UPP2: variants seen among roughly 807,000 people sequenced by gnomAD.
The protein encoded by UPP2 is UPase 2.
UPP2 carries 23 observed loss-of-function variants against 26.7 expected under a neutral mutation model. The observed-to-expected ratio is 0.86, with a 90% confidence interval of 0.62 to 1.22. The LOEUF (loss-of-function observed/expected upper bound fraction) is 1.22. Among genes scored for constraint, UPP2 ranks in the 50% most tolerant of loss-of-function variants. UPP2 has a pLI of 0.00. For missense variants in UPP2, 387 were observed against 396.7 expected (o/e 0.98, Z 0.21); for synonymous variants, 127 against 141.3 (o/e 0.90, Z 0.72).
At position 157,995,364 on chromosome 2, in the gene UPP2, C is replaced by T. The variant is rs545940198; in HGVS notation, c.61+105C>T. The T allele has an allele frequency of 1.1e-5, 14 of 1,268,324 alleles. No individual in the cohort carries two copies. In the East Asian group the frequency reaches 2.7e-4, roughly 24 times the overall value. 78.6% of individuals were successfully genotyped at this position (1,268,324 alleles called of 1,614,324 possible). A position where few individuals can be genotyped will look rare whatever the true frequency, so the allele number is the denominator to read the frequency against. Reference sequence around the variant, plus strand: ...TTTTGAATTATGTGGTTGATGTTTTCCACATTTCAGCTTCCATCAACTGGC... The same window carrying T: ...TTTTGAATTATGTGGTTGATGTTTTTCACATTTCAGCTTCCATCAACTGGC... On this transcript the variant is annotated intron_variant, in intron 2 of 9. Coordinates refer to the UPP2 transcript ENST00000605860.
chr2:158,006,418 A>G (rs1226271789), intron 2 of UPP2, among the ~76,000 whole-genome samples: 1 of 149,734 alleles, frequency 6.7e-6, no homozygotes, highest in Non-Finnish European at 1.5e-5. Context: ...CGGCTCTTGC[A>G]ATGAGCCGAG....
chr2:158,011,489 A>C (rs1468035093), intron 2 of UPP2, among the ~76,000 whole-genome samples: 2 of 152,104 alleles, frequency 1.3e-5, no homozygotes, highest in African/African-American at 4.8e-5. Flanking sequence ...AAAAAAAGCT[A>C]GGGAAGAAGT....
chr2:158,079,318 C>G (rs1682682062), intron 3 of UPP2, among the ~76,000 whole-genome samples: 1 of 151,988 alleles, frequency 6.6e-6, no homozygotes, highest in Non-Finnish European at 1.5e-5. Context: ...AAAAAGCCTA[C>G]TTGTATATGT....
intron 3 of UPP2, among the ~76,000 whole-genome samples, chr2:158,073,231 C>T (rs932162245): frequency 6.6e-6 from 1 of 151,750 alleles, no homozygotes; most frequent in African/African-American, 2.4e-5. Context: ...TATAATTAAT[C>T]AAGCAGAAGA....
At chr2:158,128,089 C>T in intron 6 of UPP2, 1 of 879,830 alleles carries the variant, frequency 1.1e-6, no homozygotes, top group Non-Finnish European at 1.4e-6. Context: ...CCTTTTGACA[C>T]AGGCTTGCCT....
At chr2:158,000,444 A>C (rs888032119) in intron 2 of UPP2, among the ~76,000 whole-genome samples, 1 of 152,228 alleles carries the variant, frequency 6.6e-6, no homozygotes, top group Non-Finnish European at 1.5e-5. Context: ...AACTCACTCA[A>C]GAGACTGGCT....
At position 158,115,187 on chromosome 2, in the gene UPP2, A is replaced by C. The variant is rs1574301361; in HGVS notation, c.267A>C (p.Glu89Asp). The C allele has an allele frequency of 6.2e-7, 1 of 1,613,890 alleles. No homozygotes were observed. The highest frequency in any genetic ancestry group is 1.1e-5 in the South Asian group (1 of 91,058). Residue 89 changes from glutamate (E) to aspartate (D), a missense_variant, in exon 3 of 7, where the codon GAA (glutamate) becomes GAC (aspartate). By Grantham distance (45) the Glu-to-Asp change is conservative (BLOSUM62 2). Coordinates refer to ENST00000005756, the MANE Select transcript of UPP2 (RefSeq NM_173355.4). ...AGCTCGGGTTTGAGGAAGCTGAAGA[A>C]GACATAAAAGACATCTGTGCTGGGA... Reference protein sequence around the residue: ...HKELGFEEAEEDIKDICAGTD... With the variant: ...HKELGFEEAEDDIKDICAGTD...
chr2:158,109,644 T>C (rs1683270055), intron 2 of UPP2, among the ~76,000 whole-genome samples: 1 of 152,162 alleles, frequency 6.6e-6, no homozygotes, highest in African/African-American at 2.4e-5. Flanking sequence ...CAAATTCTAG[T>C]CACTGGAACC....
At position 158,087,010 on chromosome 2, in the gene UPP2, T is replaced by C. The variant is rs539788942; in HGVS notation, c.148-15030T>C. Among the ~76,000 whole-genome samples the C allele has an allele frequency of 3.3e-5, 5 of 152,040 alleles. No homozygotes were observed. The East Asian group carries it at 9.6e-4, about 29-fold the overall frequency. On this transcript the variant is annotated intron_variant, in intron 3 of 9. Transcript: ENST00000605860. Reference sequence around the variant, plus strand: ...TCTGTAAATATCTGTTAAGTCCCTTTGTTCTAAATTATAGTTTAAATCCAT... The same window carrying C: ...TCTGTAAATATCTGTTAAGTCCCTTCGTTCTAAATTATAGTTTAAATCCAT...
chr2:158,079,781 G>T (rs187802115), intron 3 of UPP2, among the ~76,000 whole-genome samples: 1 of 152,154 alleles, frequency 6.6e-6, no homozygotes, highest in Non-Finnish European at 1.5e-5. Context: ...GAGTGAGTCA[G>T]AATTGAGAGA....
chr2:158,081,353 AT>A (rs1210578188), intron 3 of UPP2, among the ~76,000 whole-genome samples: 1 of 152,130 alleles, frequency 6.6e-6, no homozygotes, highest in Non-Finnish European at 1.5e-5. Context: ...CAGTTAAAAC[AT>A]TTTTTTCTAT....
intron 3 of UPP2, among the ~76,000 whole-genome samples, chr2:158,036,873 C>T (rs1032280576): frequency 3.9e-5 from 6 of 152,100 alleles, no homozygotes; most frequent in Non-Finnish European, 7.3e-5. Context: ...CTGAAGGGTA[C>T]CAGACACACA....
chr2:158,058,940 A>T (rs975050800), intron 3 of UPP2, among the ~76,000 whole-genome samples: 1 of 152,160 alleles, frequency 6.6e-6, no homozygotes, highest in African/African-American at 2.4e-5. Context: ...TCAAGCAAAG[A>T]TTTCCTGGTT....
chr2:158,021,933 A>T (rs1019377963), intron 3 of UPP2, among the ~76,000 whole-genome samples: 1 of 152,206 alleles, frequency 6.6e-6, no homozygotes, highest in Non-Finnish European at 1.5e-5. Flanking sequence ...AAGTAATTAG[A>T]AAATATATAG....
chr2:158,075,986 AG>A (rs1321234240), intron 3 of UPP2, among the ~76,000 whole-genome samples: 1 of 152,026 alleles, frequency 6.6e-6, no homozygotes, highest in Non-Finnish European at 1.5e-5. Flanking sequence ...GATATGAAAA[AG>A]GAGACATTAC....
intron 1 of UPP2, 114 bp downstream of exon 1, chr2:158,102,239 GATTAT>G: frequency 1.8e-6 from 2 of 1,096,280 alleles, no homozygotes; most frequent in South Asian, 3.9e-5. Context: ...TAAATGTAGA[GATTAT>G]ATCACTGGAT....
intron 3 of UPP2, among the ~76,000 whole-genome samples, chr2:158,028,138 T>G (rs1246101252): frequency 1.3e-5 from 2 of 152,248 alleles, no homozygotes; most frequent in African/African-American, 4.8e-5. Flanking sequence ...TTTCTGCAGC[T>G]TGCTTGAATA....
chr2:158,066,020 G>A, intron 3 of UPP2: 1 of 338,076 alleles, frequency 3.0e-6, no homozygotes, highest in Non-Finnish European at 5.5e-6. Flanking sequence ...AGATGTGGCT[G>A]CACTTCAAAG....
chr2:158,055,613 C>A lies in UPP2; in HGVS notation c.147+39727C>A, dbSNP rs187523834. On this transcript the variant is annotated intron_variant, in intron 3 of 9. Transcript: ENST00000605860. ...TAACATGATGAACTTCTCTTTTATACAATTTTTGAAAGTTGTGATATTTAA... is the reference window on the plus strand; with the variant it reads ...TAACATGATGAACTTCTCTTTTATAAAATTTTTGAAAGTTGTGATATTTAA... 1.1e-4 allele frequency among the ~76,000 whole-genome samples: 16 copies of A among 152,206 alleles called. 1 individual carries two copies. The East Asian group carries it at 2.1e-3, about 20-fold the overall frequency.
Sources: gnomAD v4.1 joint callset for allele counts (sites outside exome capture counted in the v4.1 genomes callset) on GRCh38, gnomAD v4.1.1 for gene constraint, MANE v1.5 for transcripts, NCBI Gene and HGNC (gene_info 2026-07-23, HGNC 2026-07-21) for gene names.